The following C8orf34 variants were observed in gnomAD, a reference collection of about 807,000 sequenced individuals.
The protein encoded by C8orf34 is chromosome 8 open reading frame 34.
C8orf34 carries 65 observed loss-of-function variants against 68.3 expected under a neutral mutation model. The observed-to-expected ratio is 0.95, with a 90% CI of 0.78 to 1.17. The LOEUF (loss-of-function observed/expected upper bound fraction) is 1.17. Ranked by LOEUF, C8orf34 falls within the 50% of genes most tolerant of loss-of-function variation. The pLI, the probability that C8orf34 is intolerant of heterozygous loss-of-function variation, is 0.00. For synonymous variants in C8orf34, 244 were observed against 241.2 expected (o/e 1.01, Z -0.11); for missense variants, 664 against 655.4 (o/e 1.01, Z -0.14).
chr8:68,529,185 T>C (rs1815142571), intron 6 of C8orf34, among the ~76,000 whole-genome samples: 1 of 152,242 alleles, frequency 6.6e-6, no homozygotes, highest in South Asian at 2.1e-4. Context: ...AGTTTACTTG[T>C]GTGCACTGAC....
chr8:68,589,145 G>A (rs1336708504), intron 7 of C8orf34, among the ~76,000 whole-genome samples: 1 of 152,092 alleles, frequency 6.6e-6, no homozygotes, highest in Non-Finnish European at 1.5e-5. Flanking sequence ...GGGATTTTGA[G>A]GATAAACTAG....
chr8:68,761,749 T>A (rs1393139814), intron 10 of C8orf34, among the ~76,000 whole-genome samples: 1 of 152,192 alleles, frequency 6.6e-6, no homozygotes, highest in African/African-American at 2.4e-5. Context: ...TGATGTCTAA[T>A]TTTGAAATAG....
At chr8:68,352,105 A>G (rs552039571) in intron 1 of C8orf34, among the ~76,000 whole-genome samples, 1 of 151,962 alleles carries the variant, frequency 6.6e-6, no homozygotes, top group East Asian at 1.9e-4. Flanking sequence ...CCTTTCTCAG[A>G]TACATTTTTT....
At chr8:68,625,709 G>T (rs933147054) in intron 7 of C8orf34, 39 of 647,068 alleles carry the variant, frequency 6.0e-5, no homozygotes, top group African/African-American at 5.6e-4. Context: ...GTGTGAGTTG[G>T]CAACTATGGC....
chr8:68,519,930 C>T (rs1031031431), intron 5 of C8orf34, among the ~76,000 whole-genome samples: 1 of 152,132 alleles, frequency 6.6e-6, no homozygotes, highest in East Asian at 1.9e-4. Flanking sequence ...AAAAACATGT[C>T]TTCACAGTCA....
intron 3 of C8orf34, among the ~76,000 whole-genome samples, chr8:68,465,177 G>A (rs1246676883): frequency 6.6e-6 from 1 of 152,116 alleles, no homozygotes; most frequent in Non-Finnish European, 1.5e-5. Context: ...AGACAATTAT[G>A]CAGCCAAAAA....
intron 7 of C8orf34, among the ~76,000 whole-genome samples, chr8:68,597,588 G>C (rs923441490): frequency 2.6e-5 from 4 of 151,314 alleles, no homozygotes; most frequent in South Asian, 2.1e-4. Flanking sequence ...GTGTGTGTGT[G>C]TGTGTGTGTG....
chr8:68,383,624 C>G (rs1808136059), intron 1 of C8orf34, among the ~76,000 whole-genome samples: 1 of 152,204 alleles, frequency 6.6e-6, no homozygotes, highest in Non-Finnish European at 1.5e-5. Context: ...TCTAAGTTAT[C>G]ACATCCTAAT....
At chr8:68,541,008 C>T (rs561687433) in intron 7 of C8orf34, among the ~76,000 whole-genome samples, 15 of 152,136 alleles carry the variant, frequency 9.9e-5, no homozygotes, top group East Asian at 7.7e-4. Flanking sequence ...TTTGAAGCTT[C>T]GCCACCGACC....
At chr8:68,533,773 TA>T (rs1416530727) in intron 7 of C8orf34, 1 of 969,782 alleles carries the variant, frequency 1.0e-6, no homozygotes, top group East Asian at 1.1e-4. Flanking sequence ...TCTCTTCATA[TA>T]AATTTTTAAA....
intron 7 of C8orf34, chr8:68,534,720 C>A (rs547389144): frequency 1.0e-6 from 1 of 985,370 alleles, no homozygotes; most frequent in East Asian, 1.1e-4. Flanking sequence ...TAAATGGTTC[C>A]TCTGCTTTGG....
intron 7 of C8orf34, among the ~76,000 whole-genome samples, chr8:68,550,433 A>G (rs1300601115): frequency 6.6e-6 from 1 of 151,820 alleles, no homozygotes; most frequent in Non-Finnish European, 1.5e-5. Flanking sequence ...TACTTCATAT[A>G]TACATATGCA....
At chr8:68,607,185 C>T (rs1405268027) in intron 7 of C8orf34, among the ~76,000 whole-genome samples, 1 of 152,086 alleles carries the variant, frequency 6.6e-6, no homozygotes, top group Non-Finnish European at 1.5e-5. Flanking sequence ...TTTTCTTCTT[C>T]TTTGCTTCAT....
chr8:68,814,879 A>G (rs2129530093), intron 12 of C8orf34, among the ~76,000 whole-genome samples: 1 of 152,368 alleles, frequency 6.6e-6, no homozygotes, highest in Non-Finnish European at 1.5e-5. Flanking sequence ...AATCTACTAT[A>G]AAATAACTTT....
intron 10 of C8orf34, among the ~76,000 whole-genome samples, chr8:68,763,043 T>A (rs1444891653): frequency 1.3e-5 from 2 of 152,214 alleles, no homozygotes; most frequent in African/African-American, 4.8e-5. Context: ...GATTGGTCTA[T>A]AAAGTCTGTC....
At chr8:68,436,859 G>T (rs1254883931) in intron 1 of C8orf34, among the ~76,000 whole-genome samples, 1 of 152,126 alleles carries the variant, frequency 6.6e-6, no homozygotes, top group Non-Finnish European at 1.5e-5. Context: ...GTGGTGGAAA[G>T]AAATCAATCT....
At chr8:68,784,721 G>C (rs550194309) in intron 11 of C8orf34, among the ~76,000 whole-genome samples, 3 of 152,140 alleles carry the variant, frequency 2.0e-5, no homozygotes, top group Admixed American at 2.0e-4. Context: ...TACTCAAATT[G>C]TTCTAGCTTT....
At chr8:68,359,670 T>G (rs1806901429) in intron 1 of C8orf34, among the ~76,000 whole-genome samples, 1 of 152,164 alleles carries the variant, frequency 6.6e-6, no homozygotes, top group Admixed American at 6.6e-5. Context: ...AAGGCTCTCT[T>G]TTAAAGAGCT....
intron 8 of C8orf34, among the ~76,000 whole-genome samples, chr8:68,641,643 T>C (rs948085484): frequency 5.3e-5 from 8 of 152,242 alleles, no homozygotes; most frequent in African/African-American, 1.9e-4. Flanking sequence ...GTTGTATATT[T>C]ACATTTTGAC....
Sources: gnomAD v4.1 joint callset for allele counts (sites outside exome capture counted in the v4.1 genomes callset) on GRCh38, gnomAD v4.1.1 for gene constraint, MANE v1.5 for transcripts, NCBI Gene and HGNC (gene_info 2026-07-23, HGNC 2026-07-21) for gene names.